The following LSM14A variants were observed in gnomAD, a reference collection of about 807,000 sequenced individuals.
LSM14A encodes the protein LSM14A mRNA processing body assembly factor.
LSM14A carries 14 observed loss-of-function variants against 52.4 expected under a neutral mutation model. That is an observed-to-expected ratio of 0.27 (90% CI 0.18 to 0.42). The LOEUF (loss-of-function observed/expected upper bound fraction) is 0.42, where lower values mean the gene tolerates loss of function less well. Ranked by LOEUF, LSM14A falls within the 10% of genes least tolerant of loss-of-function variation. The pLI is 1.00. For missense variants in LSM14A, 417 were observed against 581.8 expected, an observed-to-expected ratio of 0.72 and a Z score of 2.91; for synonymous variants, 185 against 200.3, an observed-to-expected ratio of 0.92 and a Z score of 0.64.
intron 8 of LSM14A, 141 bp from the exon 9 acceptor site, chr19:34,221,366 G>A: frequency 2.1e-6 from 2 of 953,418 alleles, no homozygotes; most frequent in African/African-American, 1.7e-5. Flanking sequence ...ACAGGCGTGA[G>A]CCATCACGCC....
At chr19:34,212,897 G>C (rs939935473) in intron 4 of LSM14A, among the ~76,000 whole-genome samples, 1 of 152,152 alleles carries the variant, frequency 6.6e-6, no homozygotes, top group African/African-American at 2.4e-5. Flanking sequence ...TTTCTCAAAA[G>C]CCTTGATAAA....
chr19:34,221,775 A>G (rs769530243), intron 9 of LSM14A, 37 bp downstream of exon 9: 7 of 1,580,646 alleles, frequency 4.4e-6, no homozygotes, highest in Admixed American at 1.8e-5. Flanking sequence ...TGGGGTTGAC[A>G]TGCATTTTAC....
At chr19:34,200,135 G>A (rs2071187630) in intron 3 of LSM14A, among the ~76,000 whole-genome samples, 1 of 152,174 alleles carries the variant, frequency 6.6e-6, no homozygotes, top group South Asian at 2.1e-4. Flanking sequence ...GAAGAAATGG[G>A]CTTATATATC....
At chr19:34,201,784 A>G (rs1184828775) in intron 3 of LSM14A, among the ~76,000 whole-genome samples, 1 of 152,036 alleles carries the variant, frequency 6.6e-6, no homozygotes, top group Non-Finnish European at 1.5e-5. Flanking sequence ...ATTTTTATAT[A>G]TTTACGTTTT....
intron 9 of LSM14A, 34 bp downstream of exon 9, chr19:34,221,772 G>A (rs2073081384): frequency 4.4e-6 from 7 of 1,581,598 alleles, no homozygotes; most frequent in Non-Finnish European, 4.3e-6. Context: ...CTTTGGGGTT[G>A]ACATGCATTT....
At chr19:34,174,131 T>G (rs951616396) in intron 1 of LSM14A, among the ~76,000 whole-genome samples, 1 of 152,156 alleles carries the variant, frequency 6.6e-6, no homozygotes, top group Non-Finnish European at 1.5e-5. Context: ...GTATTTTTAG[T>G]AGAGACGGGG....
Position 34,219,417 on chromosome 19 carries a change from A to C in LSM14A, c.808A>C (p.Arg270=). ...VAPGAPSAPR[R]GRGGHRGGRG... is the part of the protein sequence containing the mutation. ...TCCAGGTGCTCCTTCAGCTCCAAGG[A>C]GAGGGCGTGGGGGTCATCGGGGTGG... Residue 270 remains arginine (R), a synonymous_variant, in exon 7 of 10, where the codon AGA becomes CGA. Transcript: ENST00000544216. The C allele has an allele frequency of 6.2e-7, 1 of 1,611,706 alleles. No individual in the cohort carries two copies. The highest frequency in any genetic ancestry group is 1.1e-5 in the South Asian group (1 of 90,492).
At chr19:34,174,720 G>A (rs1291754077) in intron 1 of LSM14A, among the ~76,000 whole-genome samples, 2 of 152,220 alleles carry the variant, frequency 1.3e-5, no homozygotes, top group African/African-American at 4.8e-5. Context: ...TTATGAAAAA[G>A]CCTCTCTTTA....
intron 1 of LSM14A, among the ~76,000 whole-genome samples, chr19:34,186,750 A>G (rs2069937497): frequency 6.6e-6 from 1 of 152,150 alleles, no homozygotes; most frequent in African/African-American, 2.4e-5. Flanking sequence ...TACAGGACTG[A>G]AGAGTTTTAA....
At chr19:34,219,949 G>A (rs1422327876) in intron 8 of LSM14A, 72 bp downstream of exon 8, 13 of 1,073,920 alleles carry the variant, frequency 1.2e-5, no homozygotes, top group East Asian at 2.4e-5. Flanking sequence ...GTAAATTCAC[G>A]AGGTTTAATG....
chr19:34,174,550 C>CGG, intron 1 of LSM14A, among the ~76,000 whole-genome samples: 1 of 152,176 alleles, frequency 6.6e-6, no homozygotes, highest in African/African-American at 2.4e-5. Flanking sequence ...TAGAAATCGG[C>CGG]TATAGGATGT....
At chr19:34,223,547 C>T (rs915358047) in intron 9 of LSM14A, among the ~76,000 whole-genome samples, 42 of 152,230 alleles carry the variant, frequency 2.8e-4, no homozygotes, top group African/African-American at 8.4e-4. Flanking sequence ...CATGTTGGCT[C>T]ATGGTATACT....
rs888004651 is a variant in LSM14A, at chr19:34,185,471, T to C, written c.122-9007T>C. Among the ~76,000 whole-genome samples, 22 of 151,474 alleles carry C rather than the reference T, an allele frequency of 1.5e-4. 1 individual carries two copies. Among genetic ancestry groups the C allele is most frequent in the Non-Finnish European group, 2.9e-5 (2 of 67,838 alleles). On this transcript the variant is annotated intron_variant, in intron 1 of 9. Coordinates refer to ENST00000544216, the MANE Select transcript of LSM14A (RefSeq NM_015578.4). ...GTGAAGAAGGGGCCAGAGAAGAGAG[T>C]GCAGATGTGCAAAAAGTGAGAGTTT...
At chr19:34,204,464 T>C (rs953825283) in intron 3 of LSM14A, among the ~76,000 whole-genome samples, 1 of 152,008 alleles carries the variant, frequency 6.6e-6, no homozygotes, top group African/African-American at 2.4e-5. Flanking sequence ...ATCCCAGCAC[T>C]TTGGGTGGTG....
At chr19:34,184,088 A>G (rs2069705624) in intron 1 of LSM14A, among the ~76,000 whole-genome samples, 1 of 141,196 alleles carries the variant, frequency 7.1e-6, no homozygotes, top group Non-Finnish European at 1.5e-5. Flanking sequence ...GGAGTTTTAC[A>G]GTTGTCACCC....
At chr19:34,181,281 A>T (rs1463933418) in intron 1 of LSM14A, among the ~76,000 whole-genome samples, 2 of 152,148 alleles carry the variant, frequency 1.3e-5, no homozygotes, top group African/African-American at 4.8e-5. Context: ...CCTTAAGAAC[A>T]ACCAAAAAAC....
chr19:34,215,165 A>G lies in LSM14A; in HGVS notation c.580A>G (p.Thr194Ala), dbSNP rs1289532889. The change falls in exon 5 of 10, where the codon ACC (threonine) becomes GCC (alanine). Residue 194 changes from threonine to alanine, a missense_variant. By Grantham distance (58) the Thr-to-Ala change is moderately conservative (BLOSUM62 0). Transcript: ENST00000544216. Reference protein sequence around the residue: ...PQLDPLRKSPTMEQAVQTASA... With the variant: ...PQLDPLRKSPAMEQAVQTASA... ...GTTAGACCCTTTGAGAAAAAGCCCAACCATGGAACAAGCAGTGCAGACCGC... is the reference window on the plus strand; with the variant it reads ...GTTAGACCCTTTGAGAAAAAGCCCAGCCATGGAACAAGCAGTGCAGACCGC... 6 of 1,613,744 alleles carry G rather than the reference A, an allele frequency of 3.7e-6. No individual in the cohort carries two copies. In the African/African-American group the frequency reaches 4.0e-5, roughly 11 times the overall value.
chr19:34,190,982 A>G (rs1210389236), intron 1 of LSM14A, among the ~76,000 whole-genome samples: 1 of 151,622 alleles, frequency 6.6e-6, no homozygotes, highest in Non-Finnish European at 1.5e-5. Context: ...CTTTAATTAT[A>G]TTTTTCTTAT....
Position 34,196,625 on chromosome 19 carries a change from T to C in LSM14A, c.286-9T>C. The C allele has an allele frequency of 6.3e-7, 1 of 1,581,464 alleles. No individual in the cohort carries two copies. The highest frequency in any genetic ancestry group is 8.5e-7 in the Non-Finnish European group (1 of 1,169,716). On this transcript the variant is annotated splice_polypyrimidine_tract_variant and intron_variant, in intron 2 of 9. Transcript: ENST00000544216. ...GAGCTTGGAAACATAACTCATGATT[T>C]TCCTTCAGTCCTCACTAGGCTCATC...
Sources: allele counts gnomAD v4.1 joint callset (sites outside exome capture counted in the v4.1 genomes callset), GRCh38; gene constraint gnomAD v4.1.1; transcripts MANE v1.5; gene names NCBI Gene and HGNC (gene_info 2026-07-23, HGNC 2026-07-21).